HIVEP3: variants seen among roughly 807,000 people sequenced by gnomAD.
The protein encoded by HIVEP3 is transcription factor HIVEP3.
HIVEP3 carries 49 observed loss-of-function variants against 152.8 expected under a neutral mutation model. The observed-to-expected ratio is 0.32, with a 90% CI of 0.26 to 0.41. The LOEUF is 0.41. Ranked by LOEUF, HIVEP3 falls within the 10% of genes least tolerant of loss-of-function variation. HIVEP3 has a pLI of 1.00. For missense variants in HIVEP3, 2,790 were observed against 3,103.3 expected (o/e 0.90, Z 2.40); for synonymous variants, 1,269 against 1,289.0 (o/e 0.98, Z 0.33).
chr1:41,633,806 C>T (rs1455527029), intron 2 of HIVEP3, among the ~76,000 whole-genome samples: 1 of 152,150 alleles, frequency 6.6e-6, no homozygotes, highest in African/African-American at 2.4e-5. Flanking sequence ...AAAACCCAAC[C>T]TTGCCTCCTT....
intron 5 of HIVEP3, chr1:41,542,931 T>C (rs1643567199): frequency 6.6e-6 from 1 of 152,202 alleles, no homozygotes; most frequent in Non-Finnish European, 1.5e-5. Context: ...TTAACCTAAC[T>C]GTTAGGTTTC....
At chr1:41,657,720 T>TAAACC (rs1645650446) in intron 2 of HIVEP3, among the ~76,000 whole-genome samples, 1 of 152,040 alleles carries the variant, frequency 6.6e-6, no homozygotes, top group Non-Finnish European at 1.5e-5. Context: ...GAAGCTGAGG[T>TAAACC]TTAGGAGAGG....
rs1427485112 is a variant in HIVEP3 at position 41,950,825 on chromosome 1, C to A, written n.120-32301G>T. Reference sequence around the variant, plus strand: ...AAGACTATTGATTTAAAAAATAAAACTTTGCATCTGAAATTCTTTGAGTTG... The same window carrying A: ...AAGACTATTGATTTAAAAAATAAAAATTTGCATCTGAAATTCTTTGAGTTG... On this transcript the variant is annotated intron_variant and non_coding_transcript_variant, in intron 1 of 3. Transcript: ENST00000489103. 3.9e-5 allele frequency among the ~76,000 whole-genome samples: 6 copies of A among 152,254 alleles called. No homozygotes were observed. In the South Asian group the frequency reaches 1.2e-3, roughly 32 times the overall value.
intron 1 of HIVEP3, among the ~76,000 whole-genome samples, chr1:41,756,401 T>C (rs112195101): frequency 4.9e-4 from 74 of 152,318 alleles, no homozygotes; most frequent in Admixed American, 1.3e-3. Context: ...TAAAATGACA[T>C]AGACCTGTAT....
chr1:41,836,886 C>A (rs1380349896), intron 1 of HIVEP3, among the ~76,000 whole-genome samples: 1 of 152,360 alleles, frequency 6.6e-6, no homozygotes, highest in South Asian at 2.1e-4. Flanking sequence ...TATCTTCTTG[C>A]ATGAACTATT....
At chr1:41,858,261 C>T (rs1340933053) in intron 1 of HIVEP3, among the ~76,000 whole-genome samples, 2 of 150,862 alleles carry the variant, frequency 1.3e-5, no homozygotes, top group African/African-American at 4.9e-5. Flanking sequence ...CCTTGTCTGA[C>T]TCTCCTTCTA....
intron 5 of HIVEP3, among the ~76,000 whole-genome samples, chr1:41,574,335 G>C (rs1189107984): frequency 1.3e-5 from 2 of 152,168 alleles, no homozygotes; most frequent in Non-Finnish European, 2.9e-5. Flanking sequence ...AAGAGGGTTG[G>C]CATTTTCAAA....
chr1:41,978,086 C>T (rs976786691), intron 1 of HIVEP3, among the ~76,000 whole-genome samples: 26 of 152,180 alleles, frequency 1.7e-4, no homozygotes, highest in Admixed American at 1.1e-3. Flanking sequence ...AGACCCAAGT[C>T]TATGTCTTTA....
At chr1:41,560,852 C>A (rs747634461) in intron 5 of HIVEP3, among the ~76,000 whole-genome samples, 1 of 152,218 alleles carries the variant, frequency 6.6e-6, no homozygotes, top group Non-Finnish European at 1.5e-5. Context: ...CAAGCTGATA[C>A]CCAGCTCTGG....
At chr1:41,998,888 TC>T (rs67322279) in intron 1 of HIVEP3, among the ~76,000 whole-genome samples, 8,441 of 52,808 alleles carry the variant, frequency 0.16, 1,274 homozygotes, top group East Asian at 0.21. Flanking sequence ...TTTCTCTCTC[TC>T]TTTTTTTTTT....
chr1:41,996,692 C>T (rs1645397834), intron 1 of HIVEP3, among the ~76,000 whole-genome samples: 2 of 152,158 alleles, frequency 1.3e-5, no homozygotes. Flanking sequence ...CCCATTCTTG[C>T]TATAATGAAT....
At chr1:41,721,936 G>A (rs1646679510) in intron 1 of HIVEP3, among the ~76,000 whole-genome samples, 2 of 152,172 alleles carry the variant, frequency 1.3e-5, no homozygotes, top group African/African-American at 2.4e-5. Context: ...CAGAGGGAGG[G>A]GCATGGACAT....
chr1:41,668,903 T>C (rs1645834116), intron 2 of HIVEP3, among the ~76,000 whole-genome samples: 1 of 152,198 alleles, frequency 6.6e-6, no homozygotes, highest in Non-Finnish European at 1.5e-5. Context: ...TGGTACCTAC[T>C]AGGTGCTCAA....
At chr1:41,659,942 T>A (rs1358824837) in intron 2 of HIVEP3, among the ~76,000 whole-genome samples, 1 of 151,994 alleles carries the variant, frequency 6.6e-6, no homozygotes, top group East Asian at 1.9e-4. Flanking sequence ...TAGAACACAA[T>A]GGGATGAATG....
At chr1:41,681,486 C>A (rs1345190354) in intron 2 of HIVEP3, among the ~76,000 whole-genome samples, 1 of 152,198 alleles carries the variant, frequency 6.6e-6, no homozygotes, top group African/African-American at 2.4e-5. Flanking sequence ...GCCCTCTCCC[C>A]GGCAGAACAT....
chr1:41,936,175 C>T (rs536624313), intron 1 of HIVEP3, among the ~76,000 whole-genome samples: 1 of 152,236 alleles, frequency 6.6e-6, no homozygotes, highest in South Asian at 2.1e-4. Context: ...GGTCACCTGC[C>T]AGAATCTCTG....
intron 1 of HIVEP3, among the ~76,000 whole-genome samples, chr1:41,888,202 A>ATTTTTTTTTTT (rs61561436): frequency 1.0e-4 from 10 of 99,196 alleles, no homozygotes; most frequent in African/African-American, 2.1e-4. Flanking sequence ...CGCCCGGCTA[A>ATTTTTTTTTTT]TTTTTTTTTT....
chr1:42,002,503 G>A (rs1456445324), intron 1 of HIVEP3, among the ~76,000 whole-genome samples: 1 of 152,214 alleles, frequency 6.6e-6, no homozygotes, highest in Non-Finnish European at 1.5e-5. Context: ...GGCTCTGACA[G>A]AGATCTTCAA....
At chr1:41,748,744 C>T (rs1647110441) in intron 1 of HIVEP3, among the ~76,000 whole-genome samples, 1 of 152,240 alleles carries the variant, frequency 6.6e-6, no homozygotes, top group African/African-American at 2.4e-5. Flanking sequence ...ACTTAGCAGC[C>T]TTCTTCTAAG....
Sources: gnomAD v4.1 joint callset for allele counts (sites outside exome capture counted in the v4.1 genomes callset) on GRCh38, gnomAD v4.1.1 for gene constraint, MANE v1.5 for transcripts, NCBI Gene and HGNC (gene_info 2026-07-23, HGNC 2026-07-21) for gene names.